HEATR3: variants seen among roughly 807,000 people sequenced by gnomAD.
The protein encoded by HEATR3 is HEAT repeat containing 3, also known as HEAT repeat-containing protein 3.
In HEATR3, 56 loss-of-function variants were observed where a neutral mutation model predicts 72.8. The observed-to-expected ratio is 0.77, with a 90% CI of 0.62 to 0.96. The LOEUF is 0.96. Among genes scored for constraint, HEATR3 ranks in the 40% least tolerant of loss-of-function variants. HEATR3 has a pLI of 0.00. For missense variants in HEATR3, 747 were observed against 831.4 expected, an observed-to-expected ratio of 0.90 and a Z score of 1.25; for synonymous variants, 331 against 318.1, an observed-to-expected ratio of 1.04 and a Z score of -0.43.
At chr16:50,083,896 C>A in intron 7 of HEATR3, 41 bp from the exon 8 acceptor site, 1 of 1,540,080 alleles carries the variant, frequency 6.5e-7, no homozygotes, top group Non-Finnish European at 8.8e-7. Flanking sequence ...ATTTTCCCAA[C>A]CATTGAGAGT....
At chr16:50,103,522 G>C (rs1004804437) in intron 14 of HEATR3, among the ~76,000 whole-genome samples, 3 of 152,190 alleles carry the variant, frequency 2.0e-5, no homozygotes, top group African/African-American at 7.2e-5. Flanking sequence ...TGCCCTCCTT[G>C]TATCAGCAGC....
intron 11 of HEATR3, among the ~76,000 whole-genome samples, chr16:50,093,775 C>T (rs555298282): frequency 3.9e-5 from 6 of 152,244 alleles, no homozygotes; most frequent in Non-Finnish European, 7.4e-5. Flanking sequence ...ACGCAGGCTT[C>T]CTCATAACAG....
chr16:50,086,908 A>G (rs1355216793), intron 11 of HEATR3, among the ~76,000 whole-genome samples: 1 of 152,222 alleles, frequency 6.6e-6, no homozygotes, highest in African/African-American at 2.4e-5. Flanking sequence ...CAGCCTGGGC[A>G]ACAAGAGCAA....
At chr16:50,091,134 ACT>A (rs967910688) in intron 11 of HEATR3, among the ~76,000 whole-genome samples, 4 of 150,936 alleles carry the variant, frequency 2.7e-5, no homozygotes, top group African/African-American at 9.8e-5. Flanking sequence ...ACAGAGCAAG[ACT>A]CTGTCTCAAA....
chr16:50,072,592 C>T lies in HEATR3; in HGVS notation c.513-13C>T. On this transcript the variant is annotated splice_polypyrimidine_tract_variant and intron_variant, in intron 4 of 14. Transcript: ENST00000299192. ...TGTGAATAGTAAAACTTTTTTTTCCCCCTTCAATTTAGTGAATGCAGTAGT... is the reference window on the plus strand; with the variant it reads ...TGTGAATAGTAAAACTTTTTTTTCCTCCTTCAATTTAGTGAATGCAGTAGT... 6.6e-7 allele frequency: 1 copy of T among 1,526,598 alleles called. No individual in the cohort carries two copies. Among genetic ancestry groups the T allele is most frequent in the Non-Finnish European group, 9.0e-7 (1 of 1,107,832 alleles). 94.6% of individuals were successfully genotyped at this position (1,526,598 alleles called of 1,614,324 possible). A position where few individuals can be genotyped will look rare whatever the true frequency, so the allele number is the denominator to read the frequency against.
chr16:50,094,531 CAGGGGG>C (rs1434899230), intron 11 of HEATR3, among the ~76,000 whole-genome samples, 168 bp from the exon 12 acceptor site: 5 of 152,046 alleles, frequency 3.3e-5, no homozygotes, highest in African/African-American at 1.2e-4. Flanking sequence ...ATAGAGTGTA[CAGGGGG>C]CTGTTAACTA....
In HEATR3 at chr16:50,066,271, T is replaced by TGAGGCGAGGGCTCCGTCGGGCCGG. The variant is rs1311319598; in HGVS notation, c.138+11_138+34dup. 3 of 1,572,406 alleles carry TGAGGCGAGGGCTCCGTCGGGCCGG rather than the reference T, an allele frequency of 1.9e-6. No individual in the cohort carries two copies. The East Asian group carries it at 7.1e-5, about 37-fold the overall frequency. Reference sequence around the variant, plus strand: ...CCGGCGGCGGAGCTGCTGGAAAAGGTGAGGCGAGGGCTCCGTCGGGCCGGG... The same window carrying TGAGGCGAGGGCTCCGTCGGGCCGG: ...CCGGCGGCGGAGCTGCTGGAAAAGGTGAGGCGAGGGCTCCGTCGGGCCGGGAGGCGAGGGCTCCGTCGGGCCGGG... On this transcript the variant is annotated splice_region_variant and intron_variant, in intron 1 of 14. Coordinates refer to ENST00000299192, the MANE Select transcript of HEATR3 (RefSeq NM_182922.4).
At chr16:50,092,312 A>G (rs1270724590) in intron 11 of HEATR3, among the ~76,000 whole-genome samples, 3 of 151,984 alleles carry the variant, frequency 2.0e-5, no homozygotes, top group Admixed American at 6.6e-5. Context: ...AGTGCCTGTT[A>G]GGTACCACGT....
At chr16:50,094,844 G>A in intron 12 of HEATR3, 51 bp downstream of exon 12, 1 of 1,064,724 alleles carries the variant, frequency 9.4e-7, no homozygotes, top group Non-Finnish European at 1.4e-6. Context: ...TGTGTATTAT[G>A]GAGGCAAAAT....
At chr16:50,104,909 C>T (rs2150633431) in intron 14 of HEATR3, 30 bp from the exon 15 acceptor site, 1 of 1,540,270 alleles carries the variant, frequency 6.5e-7, no homozygotes, top group Non-Finnish European at 8.8e-7. Context: ...TCTACCAAGT[C>T]ATATATGATT....
At chr16:50,077,132 C>A (rs2036752930) in intron 6 of HEATR3, among the ~76,000 whole-genome samples, 2 of 152,090 alleles carry the variant, frequency 1.3e-5, no homozygotes, top group African/African-American at 2.4e-5. Context: ...CCTTGGCCTC[C>A]CAAAGTGCTG....
At chr16:50,066,658 C>A (rs2036504622) in intron 2 of HEATR3, 119 bp downstream of exon 2, 7 of 944,598 alleles carry the variant, frequency 7.4e-6, no homozygotes, top group Non-Finnish European at 9.7e-6. Flanking sequence ...GCCCGGTCTC[C>A]CGTTTGCAGA....
chr16:50,105,464 A>C lies in HEATR3; in HGVS notation c.*403A>C, dbSNP rs1246645781. ...GTGACAGAGGGAGACCCTGTCTCCAAAAAAAAAAAAAAAAAAAAACTTCAA... is the reference window on the plus strand; with the variant it reads ...GTGACAGAGGGAGACCCTGTCTCCACAAAAAAAAAAAAAAAAAAACTTCAA... On this transcript the variant is annotated 3_prime_UTR_variant, in exon 15 of 15. Coordinates refer to ENST00000299192, the MANE Select transcript of HEATR3 (RefSeq NM_182922.4). The C allele has an allele frequency of 1.3e-5, 2 of 149,274 alleles. No individual in the cohort carries two copies. The highest frequency in any genetic ancestry group is 3.0e-5 in the Non-Finnish European group (2 of 67,312). 9.2% of individuals were successfully genotyped at this position (149,274 alleles called of 1,614,324 possible). A position where few individuals can be genotyped will look rare whatever the true frequency, so the allele number is the denominator to read the frequency against.
chr16:50,075,731 C>CAT lies in HEATR3; in HGVS notation c.763+22_763+23dup. ...TAGCAGGTAAAATTTAGCCTTACGG[C>CAT]ATAGTATATTGTTTCAGTAGCTTTT... On this transcript the variant is annotated intron_variant, in intron 6 of 14. Coordinates refer to ENST00000299192, the MANE Select transcript of HEATR3 (RefSeq NM_182922.4). 1 of 1,602,842 alleles carries CAT rather than the reference C, an allele frequency of 6.2e-7. No homozygotes were observed. The highest frequency in any genetic ancestry group is 1.1e-5 in the South Asian group (1 of 90,780).
In HEATR3 at chr16:50,105,297, A is replaced by G. The variant is rs575562698; in HGVS notation, c.*236A>G. 4.1e-4 allele frequency: 161 copies of G among 393,326 alleles called. 1 individual carries two copies. The highest frequency in any genetic ancestry group is 3.8e-3 in the South Asian group (159 of 42,320). The allele number at this position is 393,326 out of a possible 1,614,324, so 24.4% of individuals were successfully genotyped here. A position where few individuals can be genotyped will look rare whatever the true frequency, so the allele number is the denominator to read the frequency against. On this transcript the variant is annotated 3_prime_UTR_variant, in exon 15 of 15. Coordinates refer to ENST00000299192, the MANE Select transcript of HEATR3 (RefSeq NM_182922.4). The stretch of plus-strand genomic sequence containing the variant: ...TCAGGAGTTTGAGGCCAGCCTGGCC[A>G]ACATGGTGAAACCGCATGCATAAGC...
Position 50,102,388 on chromosome 16 carries a change from A to G in HEATR3, c.1873A>G (p.Lys625Glu), listed in dbSNP as rs772820200. The G allele has an allele frequency of 1.9e-6, 3 of 1,614,150 alleles. No homozygotes were observed. In the South Asian group the frequency reaches 3.3e-5, roughly 18 times the overall value. The change falls in exon 14 of 15, where the codon AAA becomes GAA. Residue 625 changes from lysine (K) to glutamate (E), a missense_variant. Transcript: ENST00000299192. ...AGCCGAAAGAGCCTCGATTCAAATTAAATTATTATCTGCTCTGAAAGAATT... is the reference window on the plus strand; with the variant it reads ...AGCCGAAAGAGCCTCGATTCAAATTGAATTATTATCTGCTCTGAAAGAATT... ...KEAERASIQI[K>E]LLSALKEFQP...
intron 11 of HEATR3, among the ~76,000 whole-genome samples, chr16:50,093,819 A>G (rs72796163): frequency 0.044 from 6,718 of 152,240 alleles, 255 homozygotes; most frequent in African/African-American, 0.11. Flanking sequence ...AGTCGAGAGA[A>G]AAAAGAGCAT....
Position 50,078,751 on chromosome 16 carries a change from G to C in HEATR3, c.774G>C (p.Trp258Cys). The change falls in exon 7 of 15, where the codon TGG becomes TGC. Residue 258 changes from tryptophan to cysteine, a missense_variant. Transcript: ENST00000299192. ...LLKTLVAGTI[W>C]NLKDIIPCKS... ...TTGTTTTTTTCCCAGGCACAATTTGGAATCTAAAGGACATTATTCCATGCA... is the reference window on the plus strand; with the variant it reads ...TTGTTTTTTTCCCAGGCACAATTTGCAATCTAAAGGACATTATTCCATGCA... The C allele has an allele frequency of 1.2e-6, 2 of 1,604,534 alleles. No homozygotes were observed. Among genetic ancestry groups the C allele is most frequent in the Non-Finnish European group, 1.7e-6 (2 of 1,175,980 alleles).
At chr16:50,089,872 G>C (rs2037070954) in intron 11 of HEATR3, among the ~76,000 whole-genome samples, 1 of 151,934 alleles carries the variant, frequency 6.6e-6, no homozygotes, top group African/African-American at 2.4e-5. Context: ...TCACCATGTT[G>C]GTCAGGCTGG....
Sources: gnomAD v4.1 joint callset for allele counts (sites outside exome capture counted in the v4.1 genomes callset) on GRCh38, gnomAD v4.1.1 for gene constraint, MANE v1.5 for transcripts, NCBI Gene and HGNC (gene_info 2026-07-23, HGNC 2026-07-21) for gene names.